CRLF3: variants seen among roughly 807,000 people sequenced by gnomAD.
CRLF3 encodes cytokine receptor like factor 3.
Under a neutral mutation model 55.0 loss-of-function variants are expected in CRLF3, and 33 were observed. The observed-to-expected ratio is 0.60, with a 90% confidence interval of 0.46 to 0.80. CRLF3 has a LOEUF of 0.80. Among genes scored for constraint, CRLF3 ranks in the 30% least tolerant of loss-of-function variants. The pLI, the probability that CRLF3 is intolerant of heterozygous loss-of-function variation, is 0.00. For missense variants in CRLF3, 494 were observed against 538.4 expected (o/e 0.92, Z 0.82); for synonymous variants, 238 against 196.8 (o/e 1.21, Z -1.75).
In CRLF3 at chr17:30,793,624, A is replaced by G; in HGVS notation, c.652T>C (p.Cys218Arg). The G allele has an allele frequency of 5.6e-6, 9 of 1,614,116 alleles. No homozygotes were observed. Among genetic ancestry groups the G allele is most frequent in the Non-Finnish European group, 7.6e-6 (9 of 1,179,986 alleles). Residue 218 changes from cysteine (C) to arginine (R), a missense_variant, in exon 5 of 8, where the codon TGT becomes CGT. By Grantham distance (180) the Cys-to-Arg change is radical (BLOSUM62 -3). Coordinates refer to ENST00000324238, the MANE Select transcript of CRLF3 (RefSeq NM_015986.4). ...ACATCCTCAAAATGATTTGAAGTACATTTACGAAACTGGAGCCTGTAATCT... is the reference window on the plus strand; with the variant it reads ...ACATCCTCAAAATGATTTGAAGTACGTTTACGAAACTGGAGCCTGTAATCT... ...AQDYRLQFRK[C>R]TSNHFEDVYV...
chr17:30,793,838 T>C (rs939908228), intron 4 of CRLF3, among the ~76,000 whole-genome samples, 166 bp from the exon 5 acceptor site: 2 of 151,738 alleles, frequency 1.3e-5, no homozygotes, highest in African/African-American at 4.8e-5. Context: ...CACATCATTA[T>C]CTCCCTTCTT....
chr17:30,785,327 G>A (rs938752979), intron 7 of CRLF3, among the ~76,000 whole-genome samples: 1 of 151,776 alleles, frequency 6.6e-6, no homozygotes, highest in Admixed American at 6.6e-5. Flanking sequence ...TGCCCGCCTT[G>A]GCCTCCCAAA....
intron 4 of CRLF3, 73 bp downstream of exon 4, chr17:30,796,087 G>A (rs1478184524): frequency 6.4e-6 from 7 of 1,102,048 alleles, no homozygotes; most frequent in Non-Finnish European, 8.8e-6. Context: ...AGTAGTCAAC[G>A]AAAAAATCTG....
chr17:30,809,212 GC>G (rs1904533332), intron 1 of CRLF3, among the ~76,000 whole-genome samples: 1 of 152,090 alleles, frequency 6.6e-6, no homozygotes, highest in African/African-American at 2.4e-5. Context: ...CAGACAGAGG[GC>G]TAAAAAAATG....
intron 6 of CRLF3, among the ~76,000 whole-genome samples, chr17:30,788,183 C>CCGGGCGTGGTAG (rs1971693771): frequency 6.7e-6 from 1 of 148,902 alleles, no homozygotes; most frequent in South Asian, 2.1e-4. Context: ...AATAAATTAG[C>CCGGGCGTGGTAG]CGGGCGTGGT....
chr17:30,793,321 T>C, intron 5 of CRLF3, 129 bp downstream of exon 5: 1 of 669,832 alleles, frequency 1.5e-6, no homozygotes, highest in East Asian at 2.7e-5. Context: ...AAAGACATGG[T>C]GCATGTTGTT....
Position 30,794,390 on chromosome 17 carries a change from G to A in CRLF3, c.604-718C>T, listed in dbSNP as rs75949371. Among the ~76,000 whole-genome samples the A allele has an allele frequency of 6.9e-3, 1,049 of 152,176 alleles. 7 individuals are homozygous for A. Among genetic ancestry groups the A allele is most frequent in the South Asian group, 0.021 (99 of 4,820 alleles). On this transcript the variant is annotated intron_variant, in intron 4 of 7. Coordinates refer to ENST00000324238, the MANE Select transcript of CRLF3 (RefSeq NM_015986.4). ...AATTAGCCACCCAATAGAAAAATGG[G>A]TAAAAGACATAAATAAGCGTTCTAC... is the stretch of plus-strand genomic sequence containing the variant.
chr17:30,813,210 CA>C (rs1904678537), intron 1 of CRLF3, among the ~76,000 whole-genome samples: 1 of 152,076 alleles, frequency 6.6e-6, no homozygotes, highest in Admixed American at 6.6e-5. Flanking sequence ...TCATCAAGAC[CA>C]AGACAATCGA....
intron 1 of CRLF3, among the ~76,000 whole-genome samples, chr17:30,817,904 C>CAA (rs924297403): frequency 1.6e-3 from 96 of 60,884 alleles, no homozygotes; most frequent in Non-Finnish European, 1.8e-3. Flanking sequence ...GACTCCATCC[C>CAA]AAAAAAAAAA....
chr17:30,805,296 A>T (rs1567665211), intron 1 of CRLF3, among the ~76,000 whole-genome samples: 1 of 152,212 alleles, frequency 6.6e-6, no homozygotes, highest in African/African-American at 2.4e-5. Context: ...CGCTAAAAAA[A>T]GTTATAAATT....
chr17:30,815,305 C>T (rs1167558243), intron 1 of CRLF3, among the ~76,000 whole-genome samples: 6 of 150,702 alleles, frequency 4.0e-5, no homozygotes, highest in African/African-American at 1.5e-4. Flanking sequence ...AGGCTGGTCT[C>T]GAACTCCTGA....
At chr17:30,810,173 A>T (rs115745559) in intron 1 of CRLF3, among the ~76,000 whole-genome samples, 1 of 152,242 alleles carries the variant, frequency 6.6e-6, no homozygotes, top group Non-Finnish European at 1.5e-5. Flanking sequence ...AAGATTTCAA[A>T]CAGGAAACTG....
At chr17:30,805,670 C>T (rs1597925985) in intron 1 of CRLF3, among the ~76,000 whole-genome samples, 1 of 149,050 alleles carries the variant, frequency 6.7e-6, no homozygotes. Flanking sequence ...ACTGAGATCG[C>T]GCCATTGCAC....
intron 1 of CRLF3, among the ~76,000 whole-genome samples, chr17:30,815,795 T>G (rs74638246): frequency 6.7e-6 from 1 of 149,774 alleles, no homozygotes; most frequent in Non-Finnish European, 1.5e-5. Context: ...CCGCCCGCCT[T>G]GGCCTCCCTA....
chr17:30,814,228 G>A (rs925080933), intron 1 of CRLF3, among the ~76,000 whole-genome samples: 1 of 152,172 alleles, frequency 6.6e-6, no homozygotes, highest in Non-Finnish European at 1.5e-5. Flanking sequence ...CTGCACTCCA[G>A]CCTGGGTGAC....
rs377477807 is a variant in CRLF3 at position 30,804,025 on chromosome 17, A to G, written c.213T>C (p.Asp71=). The change falls in exon 2 of 8, where the codon GAT becomes GAC. Residue 71 remains aspartate (D), a synonymous_variant. Transcript: ENST00000324238. ...DLKGTLGKLL[D]ERLVTLLQEV... ...CTTGCAAAAGGGTCACCAATCGCTCATCCAGGAGCTTTCCAAGGGTTCCCT... is the reference window on the plus strand; with the variant it reads ...CTTGCAAAAGGGTCACCAATCGCTCGTCCAGGAGCTTTCCAAGGGTTCCCT... The G allele has an allele frequency of 1.6e-4, 260 of 1,613,488 alleles. No homozygotes were observed. The highest frequency in any genetic ancestry group is 2.1e-4 in the Non-Finnish European group (252 of 1,179,938).
intron 7 of CRLF3, chr17:30,785,127 G>C (rs1971610748): frequency 1.6e-5 from 2 of 124,158 alleles, no homozygotes; most frequent in South Asian, 4.9e-4. Context: ...GTCTCACACT[G>C]TTACCTGGCA....
intron 1 of CRLF3, among the ~76,000 whole-genome samples, chr17:30,805,458 T>C (rs964576695): frequency 6.6e-6 from 1 of 152,096 alleles, no homozygotes; most frequent in African/African-American, 2.4e-5. Flanking sequence ...CTCATGCCTA[T>C]AATCCCAGCA....
At chr17:30,804,155 G>T in intron 1 of CRLF3, 47 bp from the exon 2 acceptor site, 1 of 1,385,562 alleles carries the variant, frequency 7.2e-7, no homozygotes, top group Non-Finnish European at 1.0e-6. Context: ...TTTAAAAAAG[G>T]CTAATCCAAA....
Sources: allele counts gnomAD v4.1 joint callset (sites outside exome capture counted in the v4.1 genomes callset), GRCh38; gene constraint gnomAD v4.1.1; transcripts MANE v1.5; gene names NCBI Gene and HGNC (gene_info 2026-07-23, HGNC 2026-07-21).